The following FREM3 variants were observed in gnomAD, a reference collection of about 807,000 sequenced individuals.
The protein encoded by FREM3 is FRAS1-related extracellular matrix protein 3.
In FREM3, 105 loss-of-function variants were observed where a neutral mutation model predicts 129.1. That is an observed-to-expected ratio of 0.81 (90% confidence interval 0.69 to 0.96). The LOEUF is 0.96. Ranked by LOEUF, FREM3 falls within the 40% of genes least tolerant of loss-of-function variation. The probability of loss-of-function intolerance (pLI) is 0.00; values close to 1 mark genes in which losing one functional copy is unlikely to be tolerated. For synonymous variants in FREM3, 1,014 were observed against 1,044.9 expected (o/e 0.97, Z 0.57); for missense variants, 2,593 against 2,666.3 (o/e 0.97, Z 0.61).
At chr4:143,653,099 T>A (rs1156971039) in intron 2 of FREM3, among the ~76,000 whole-genome samples, 3 of 152,166 alleles carry the variant, frequency 2.0e-5, no homozygotes, top group Non-Finnish European at 4.4e-5. Flanking sequence ...CTGATATAAT[T>A]ATTAGAGAGT....
Position 143,697,930 on chromosome 4 carries a change from G to GTCACT in FREM3, c.2745_2746insAGTGA (p.His916SerfsTer6). 2 of 1,537,852 alleles carry GTCACT rather than the reference G, an allele frequency of 1.3e-6. No homozygotes were observed. The highest frequency in any genetic ancestry group is 1.7e-6 in the Non-Finnish European group (2 of 1,147,040). On this transcript the variant is annotated frameshift_variant, in exon 1 of 8. Coordinates refer to ENST00000329798, the MANE Select transcript of FREM3 (RefSeq NM_001168235.2). LOFTEE classifies it high-confidence loss of function. ...TGCACCCCATCACTTACTTCCAGAT[G>GTCACT]GAAAGTGTCACTGGTAGTCGTCTGG...
intron 6 of FREM3, among the ~76,000 whole-genome samples, chr4:143,600,123 T>A (rs528044293): frequency 5.0e-4 from 76 of 152,322 alleles, no homozygotes; most frequent in African/African-American, 1.7e-3. Flanking sequence ...CTGGTTGTAG[T>A]GGTCTTATTA....
In FREM3 at chr4:143,698,602, T is replaced by C; in HGVS notation, c.2074A>G (p.Thr692Ala). The change falls in exon 1 of 8, where the codon ACC becomes GCC. Residue 692 changes from threonine to alanine, a missense_variant. Physicochemically the swap from Thr to Ala is moderately conservative, Grantham distance 58 (BLOSUM62 0). Transcript: ENST00000329798. Reference sequence around the variant, plus strand: ...ATATCCACTGGTTGGACCTTGATGGTGAAAATGTGCTGTTTGGAGAGATTG... The same window carrying C: ...ATATCCACTGGTTGGACCTTGATGGCGAAAATGTGCTGTTTGGAGAGATTG... ...PPNLSKQHIF[T>A]IKVQPVDILS... 1 of 1,537,824 alleles carries C rather than the reference T, an allele frequency of 6.5e-7. No homozygotes were observed. The highest frequency in any genetic ancestry group is 8.7e-7 in the Non-Finnish European group (1 of 1,147,040).
intron 2 of FREM3, chr4:143,645,199 C>T (rs140980679): frequency 2.7e-4 from 41 of 152,206 alleles, no homozygotes; most frequent in African/African-American, 8.4e-4. Flanking sequence ...TAGTGTGGGG[C>T]GAAGACATTC....
chr4:143,696,629 C>A lies in FREM3; in HGVS notation c.4047G>T (p.Gly1349=). ...GCCTCTGTAGAAGCCCTTGTTGAGG[C>A]CCAGAATGGAGGACAAAACTGAGGC... ...DKSLSFVLHS[G]PQQGLLQRLR... is the part of the protein sequence containing the mutation. The change falls in exon 1 of 8, where the codon GGG becomes GGT. Residue 1349 remains glycine (G), a synonymous_variant. Coordinates refer to ENST00000329798, the MANE Select transcript of FREM3 (RefSeq NM_001168235.2). 2.6e-6 allele frequency: 4 copies of A among 1,537,762 alleles called. No homozygotes were observed. Among genetic ancestry groups the A allele is most frequent in the Non-Finnish European group, 3.5e-6 (4 of 1,147,020 alleles).
In FREM3 at chr4:143,577,499, A is replaced by T; in HGVS notation, c.*112T>A. Reference sequence around the variant, plus strand: ...CACATATCACCAGAATATAACACCAATGACAGTACAATATCACTGATATCC... The same window carrying T: ...CACATATCACCAGAATATAACACCATTGACAGTACAATATCACTGATATCC... On this transcript the variant is annotated 3_prime_UTR_variant, in exon 8 of 8. Transcript: ENST00000329798. 1.0e-6 allele frequency: 1 copy of T among 984,546 alleles called. No individual in the cohort carries two copies. The highest frequency in any genetic ancestry group is 1.5e-6 in the Non-Finnish European group (1 of 683,642). The allele number at this position is 984,546 out of a possible 1,614,324, so 61.0% of individuals were successfully genotyped here. A position where few individuals can be genotyped will look rare whatever the true frequency, so the allele number is the denominator to read the frequency against.
intron 6 of FREM3, among the ~76,000 whole-genome samples, chr4:143,592,501 G>T (rs2149835286): frequency 6.6e-6 from 1 of 152,262 alleles, no homozygotes; most frequent in African/African-American, 2.4e-5. Flanking sequence ...TGCTTGTGAA[G>T]CTTAGTTTGG....
intron 7 of FREM3, among the ~76,000 whole-genome samples, chr4:143,581,312 C>T (rs908414141): frequency 2.0e-5 from 3 of 152,232 alleles, no homozygotes; most frequent in African/African-American, 4.8e-5. Context: ...TCTGCCATTG[C>T]AGCTGCAGTG....
At chr4:143,612,240 T>C (rs532275634) in intron 5 of FREM3, among the ~76,000 whole-genome samples, 17 of 152,326 alleles carry the variant, frequency 1.1e-4, no homozygotes, top group Admixed American at 4.6e-4. Flanking sequence ...TTGCAATCCA[T>C]CTCCTTCCCT....
intron 6 of FREM3, chr4:143,601,724 T>C (rs1176084405): frequency 6.6e-6 from 1 of 152,194 alleles, no homozygotes; most frequent in Non-Finnish European, 1.5e-5. Context: ...GCTGATGTTT[T>C]TATAATGGCT....
At chr4:143,685,371 G>T (rs113786867) in intron 2 of FREM3, among the ~76,000 whole-genome samples, 2,162 of 152,218 alleles carry the variant, frequency 0.014, 57 homozygotes, top group African/African-American at 0.05. Context: ...GTAATTATCA[G>T]CCAAGAATTT....
At chr4:143,642,673 T>G (rs927963844) in intron 2 of FREM3, among the ~76,000 whole-genome samples, 1 of 152,176 alleles carries the variant, frequency 6.6e-6, no homozygotes, top group African/African-American at 2.4e-5. Context: ...AACTCACAAC[T>G]ATGCAACTAC....
intron 2 of FREM3, among the ~76,000 whole-genome samples, chr4:143,669,814 C>T (rs983923122): frequency 1.3e-4 from 20 of 151,960 alleles, no homozygotes; most frequent in African/African-American, 4.3e-4. Flanking sequence ...TTTTAAATTT[C>T]AACTTTTATT....
At chr4:143,655,184 CT>C (rs1429885025) in intron 2 of FREM3, among the ~76,000 whole-genome samples, 28 of 152,088 alleles carry the variant, frequency 1.8e-4, no homozygotes, top group Admixed American at 1.8e-3. Flanking sequence ...CTCCTTAGGA[CT>C]TTTTTCCCTA....
At chr4:143,593,136 T>A (rs1738397365) in intron 6 of FREM3, among the ~76,000 whole-genome samples, 1 of 152,220 alleles carries the variant, frequency 6.6e-6, no homozygotes, top group Non-Finnish European at 1.5e-5. Flanking sequence ...TATCCATTTA[T>A]CTAATTTTTT....
In FREM3 at chr4:143,624,156, G is replaced by A. The variant is rs1190239366; in HGVS notation, c.5605C>T (p.Leu1869=). ...ACCGTTGCCATTTCTGGAAACTCCA[G>A]TACAGCCATGAGAGGTTCAGACAGA... ...IILSEPLMAV[L]EFPEMATVEI... The change falls in exon 4 of 8, where the codon CTG becomes TTG. Residue 1869 remains leucine (L), a synonymous_variant. Coordinates refer to ENST00000329798, the MANE Select transcript of FREM3 (RefSeq NM_001168235.2). The A allele has an allele frequency of 4.1e-5, 63 of 1,536,720 alleles. No homozygotes were observed. The highest frequency in any genetic ancestry group is 1.7e-4 in the East Asian group (7 of 40,906).
In FREM3 at chr4:143,626,897, T is replaced by C. The variant is rs564696050; in HGVS notation, c.5422+717A>G. On this transcript the variant is annotated intron_variant, in intron 3 of 7. Coordinates refer to ENST00000329798, the MANE Select transcript of FREM3 (RefSeq NM_001168235.2). Reference sequence around the variant, plus strand: ...GTCGAGGAAACTCAATGCTTATTTGTAAAATGAAGACAATATAACCCTATC... The same window carrying C: ...GTCGAGGAAACTCAATGCTTATTTGCAAAATGAAGACAATATAACCCTATC... Among the ~76,000 whole-genome samples, 9 of 152,286 alleles carry C rather than the reference T, an allele frequency of 5.9e-5. No homozygotes were observed. The South Asian group carries it at 1.7e-3, about 28-fold the overall frequency.
At chr4:143,581,602 A>C (rs1578818908) in intron 7 of FREM3, among the ~76,000 whole-genome samples, 1 of 142,966 alleles carries the variant, frequency 7.0e-6, no homozygotes, top group Admixed American at 6.8e-5. Flanking sequence ...TGGTTCTGCC[A>C]GTGCTGCCCT....
chr4:143,627,722 A>C lies in FREM3; in HGVS notation c.5314T>G (p.Trp1772Gly). ...KLTNQPFHLN[W>G]AWICLEKEYY... ...TCTTTCTCCAAACAAATCCAAGCCCAGTTTAGATGGAAAGGCTGATTTGTT... is the reference window on the plus strand; with the variant it reads ...TCTTTCTCCAAACAAATCCAAGCCCCGTTTAGATGGAAAGGCTGATTTGTT... The change falls in exon 3 of 8, where the codon TGG (tryptophan) becomes GGG (glycine). Residue 1772 changes from tryptophan to glycine, a missense_variant. Trp to Gly is a radical substitution (Grantham distance 184). Transcript: ENST00000329798. 6.5e-7 allele frequency: 1 copy of C among 1,535,724 alleles called. No homozygotes were observed. The highest frequency in any genetic ancestry group is 8.7e-7 in the Non-Finnish European group (1 of 1,145,588).
Sources: gnomAD v4.1 joint callset for allele counts (sites outside exome capture counted in the v4.1 genomes callset) on GRCh38, gnomAD v4.1.1 for gene constraint, MANE v1.5 for transcripts, NCBI Gene and HGNC (gene_info 2026-07-23, HGNC 2026-07-21) for gene names.